SEMA4D: variants seen among roughly 807,000 people sequenced by gnomAD.
SEMA4D encodes the protein semaphorin-4D.
Under a neutral mutation model 74.8 loss-of-function variants are expected in SEMA4D, and 22 were observed. The ratio of observed to expected loss-of-function variants is 0.29; its 90% CI spans 0.21 to 0.42. The LOEUF is 0.42. SEMA4D is among the 10% of genes least tolerant of loss of function. The pLI, the probability that SEMA4D is intolerant of heterozygous loss-of-function variation, is 1.00. For missense variants in SEMA4D, 937 were observed against 1,118.4 expected, an observed-to-expected ratio of 0.84 and a Z score of 2.31; for synonymous variants, 445 against 463.7, an observed-to-expected ratio of 0.96 and a Z score of 0.52.
downstream of SEMA4D, among the ~76,000 whole-genome samples, chr9:89,374,924 G>A (rs1282172755): frequency 1.3e-5 from 2 of 152,160 alleles, no homozygotes; most frequent in African/African-American, 2.4e-5. Context: ...ATGGTGAGGT[G>A]TGCCTGTAAT....
intron 1 of SEMA4D, among the ~76,000 whole-genome samples, chr9:89,466,976 C>G (rs1329343095): frequency 6.6e-6 from 1 of 152,202 alleles, no homozygotes; most frequent in East Asian, 1.9e-4. Context: ...TACAAGCAAC[C>G]AGAGCAGAAA....
rs149965061 is a variant in SEMA4D, at chr9:89,369,937, CTA to C, written c.1883-5989_1883-5988del. 9.6e-3 allele frequency among the ~76,000 whole-genome samples: 1,439 copies of C among 150,528 alleles called. 5 individuals carry two copies. The highest frequency in any genetic ancestry group is 0.017 in the Middle Eastern group (5 of 288). On this transcript the variant is annotated intron_variant, in intron 16 of 18. Transcript: ENST00000339861. ...TGTGGTGTGGGTAGCGTGCATGTGT[CTA>C]TGTGGTGTGTATGTGCTTTGGTGTG... is the stretch of plus-strand genomic sequence containing the variant.
chr9:89,384,873 T>TA, intron 13 of SEMA4D: 2 of 985,338 alleles, frequency 2.0e-6, no homozygotes, highest in Non-Finnish European at 1.2e-6. Context: ...AGCTGGGCCT[T>TA]CCACCCCCAC....
At chr9:89,444,636 T>C (rs1333355338) in intron 2 of SEMA4D, among the ~76,000 whole-genome samples, 2 of 152,048 alleles carry the variant, frequency 1.3e-5, no homozygotes, top group African/African-American at 4.8e-5. Context: ...CCAAGCATAT[T>C]ATTTCATGTT....
intron 1 of SEMA4D, among the ~76,000 whole-genome samples, chr9:89,475,662 C>T (rs535281012): frequency 1.3e-5 from 2 of 152,282 alleles, no homozygotes; most frequent in Admixed American, 6.5e-5. Context: ...CCAAGCCTGC[C>T]GTGGACCACC....
intron 2 of SEMA4D, among the ~76,000 whole-genome samples, chr9:89,424,199 G>A (rs1328684836): frequency 1.3e-5 from 2 of 152,166 alleles, no homozygotes; most frequent in African/African-American, 4.8e-5. Flanking sequence ...CCTACCACCA[G>A]AGATGAGACT....
chr9:89,402,837 G>T, intron 4 of SEMA4D, 34 bp downstream of exon 4: 1 of 1,601,226 alleles, frequency 6.2e-7, no homozygotes, highest in Non-Finnish European at 8.5e-7. Flanking sequence ...CTCAAGCTGG[G>T]CTATGTGGAC....
chr9:89,417,309 C>T (rs775202734), intron 2 of SEMA4D, among the ~76,000 whole-genome samples: 14 of 152,136 alleles, frequency 9.2e-5, no homozygotes, highest in Non-Finnish European at 1.5e-4. Flanking sequence ...TATATCTAGC[C>T]AATAAGCACA....
At chr9:89,412,571 C>T (rs1452759288) in intron 2 of SEMA4D, among the ~76,000 whole-genome samples, 2 of 152,222 alleles carry the variant, frequency 1.3e-5, no homozygotes, top group African/African-American at 4.8e-5. Context: ...GGCACCCCCA[C>T]CTGGCTTCCA....
At chr9:89,482,816 G>C (rs1824830776) in intron 1 of SEMA4D, among the ~76,000 whole-genome samples, 1 of 152,200 alleles carries the variant, frequency 6.6e-6, no homozygotes, top group African/African-American at 2.4e-5. Flanking sequence ...AAAGGGGAGA[G>C]AGCATGTCTG....
intron 5 of SEMA4D, 38 bp downstream of exon 5, chr9:89,399,238 T>C (rs1423741460): frequency 2.6e-6 from 4 of 1,551,040 alleles, no homozygotes. Context: ...CAAGAAATAC[T>C]TGAATGGGAT....
At chr9:89,396,654 G>T in intron 6 of SEMA4D, 83 bp downstream of exon 6, 3 of 1,157,510 alleles carry the variant, frequency 2.6e-6, no homozygotes, top group Non-Finnish European at 3.8e-6. Context: ...GGTGGAGACA[G>T]CTTTACGTCT....
intron 2 of SEMA4D, among the ~76,000 whole-genome samples, chr9:89,428,508 C>T (rs1848572707): frequency 6.6e-6 from 1 of 152,170 alleles, no homozygotes; most frequent in Non-Finnish European, 1.5e-5. Flanking sequence ...AATAGCCAGT[C>T]ACAGGAACTC....
intron 4 of SEMA4D, among the ~76,000 whole-genome samples, chr9:89,400,850 T>A (rs2133555797): frequency 6.6e-6 from 1 of 152,218 alleles, no homozygotes; most frequent in Non-Finnish European, 1.5e-5. Flanking sequence ...CATGGTGTCA[T>A]TAACAGAGCA....
At chr9:89,465,544 G>C (rs1858468346) in intron 1 of SEMA4D, among the ~76,000 whole-genome samples, 2 of 152,158 alleles carry the variant, frequency 1.3e-5, no homozygotes. Context: ...CTTGGAGCTA[G>C]AGGTTGCACA....
chr9:89,378,448 C>T lies in SEMA4D; in HGVS notation c.*256G>A, dbSNP rs553578691. Reference sequence around the variant, plus strand: ...CAGGAACTCCGTGCCGCCCGTGGGCCTTCTTCAAGTACTCCGACTGACTTC... The same window carrying T: ...CAGGAACTCCGTGCCGCCCGTGGGCTTTCTTCAAGTACTCCGACTGACTTC... On this transcript the variant is annotated 3_prime_UTR_variant, in exon 16 of 16. Coordinates refer to ENST00000422704, the MANE Select transcript of SEMA4D (RefSeq NM_001371194.2). 5 of 460,052 alleles carry T rather than the reference C, an allele frequency of 1.1e-5. No individual in the cohort carries two copies. The highest frequency in any genetic ancestry group is 2.0e-5 in the Non-Finnish European group (5 of 256,024). The allele number at this position is 460,052 out of a possible 1,614,324, so 28.5% of individuals were successfully genotyped here. A position where few individuals can be genotyped will look rare whatever the true frequency, so the allele number is the denominator to read the frequency against.
intron 2 of SEMA4D, among the ~76,000 whole-genome samples, chr9:89,452,175 T>A (rs1463733175): frequency 1.1e-4 from 7 of 62,652 alleles, no homozygotes; most frequent in Non-Finnish European, 2.2e-4. Flanking sequence ...CTGTCTTGGT[T>A]TTTTTTGTTT....
rs778781300 is a variant in SEMA4D, at chr9:89,378,742, C to A, written c.2551G>T (p.Glu851Ter). Residue 851 changes from glutamate (E) to a stop codon, truncating the protein, a stop_gained, in exon 16 of 16, where the codon GAG becomes TAG. Transcript: ENST00000422704. LOFTEE classifies it high-confidence loss of function. ...ARDKPFDVKC[E>*]LKFADSDADG... ...GCGTCTGAGTCAGCGAACTTCAGCT[C>A]ACACTTGACGTCAAAGGGCTTGTCC... is the stretch of plus-strand genomic sequence containing the variant. The A allele has an allele frequency of 5.0e-6, 8 of 1,614,076 alleles. No homozygotes were observed. The highest frequency in any genetic ancestry group is 8.5e-7 in the Non-Finnish European group (1 of 1,180,044).
chr9:89,376,626 C>G (rs1835821073), downstream of SEMA4D: 1 of 683,462 alleles, frequency 1.5e-6, no homozygotes, highest in African/African-American at 1.8e-5. Flanking sequence ...CCCCTGTACA[C>G]TAGAAGTGGC....
Sources: gnomAD v4.1 joint callset for allele counts (sites outside exome capture counted in the v4.1 genomes callset) on GRCh38, gnomAD v4.1.1 for gene constraint, MANE v1.5 for transcripts, NCBI Gene and HGNC (gene_info 2026-07-23, HGNC 2026-07-21) for gene names.